The following MYO18A variants were observed in gnomAD, a reference collection of about 807,000 sequenced individuals.
MYO18A encodes myosin XVIIIA, also known as unconventional myosin-XVIIIa.
MYO18A carries 78 observed loss-of-function variants against 235.8 expected under a neutral mutation model. The observed-to-expected ratio is 0.33, with a 90% confidence interval of 0.28 to 0.40. The LOEUF (loss-of-function observed/expected upper bound fraction) is 0.40, where lower values mean the gene tolerates loss of function less well. Among genes scored for constraint, MYO18A ranks in the 10% least tolerant of loss-of-function variants. The pLI, the probability that MYO18A is intolerant of heterozygous loss-of-function variation, is 1.00. For missense variants in MYO18A, 2,215 were observed against 2,699.3 expected (o/e 0.82, Z 3.98); for synonymous variants, 977 against 1,077.8 (o/e 0.91, Z 1.83).
At position 29,118,401 on chromosome 17, in the gene MYO18A, C is replaced by A. The variant is rs370352285; in HGVS notation, c.1869G>T (p.Val623=). The change falls in exon 9 of 42, where the codon GTG becomes GTT. Residue 623 remains valine, a synonymous_variant. Transcript: ENST00000527372. The surrounding 1 kb of genome is among the most constrained non-coding windows in gnomAD (Gnocchi z 4.2). The part of the protein sequence containing the change: ...LHLNHLAENN[V]FGIVPLAKPE... The stretch of plus-strand genomic sequence containing the variant: ...CCTTGGCCAGTGGCACAATCCCAAA[C>A]ACATTGTTCTCTGCCAAGTGGTTGA... The A allele has an allele frequency of 3.0e-5, 49 of 1,607,294 alleles. No homozygotes were observed. The African/African-American group carries it at 4.5e-4, about 15-fold the overall frequency.
Position 29,094,800 on chromosome 17 carries a change from C to T in MYO18A, c.4560G>A (p.Glu1520=). ...AGFTQKVVSL[E]AELQDISSQE... is the part of the protein sequence containing the mutation. ...GGGAAGAAATGTCCTGGAGCTCTGCCTCTAGAGACACAACCTTCTGGGTGA... is the reference window on the plus strand; with the variant it reads ...GGGAAGAAATGTCCTGGAGCTCTGCTTCTAGAGACACAACCTTCTGGGTGA... Residue 1520 remains glutamate, a synonymous_variant, in exon 30 of 42, where the codon GAG becomes GAA. Transcript: ENST00000527372. 1.9e-6 allele frequency: 3 copies of T among 1,614,040 alleles called. No individual in the cohort carries two copies. Among genetic ancestry groups the T allele is most frequent in the Non-Finnish European group, 2.5e-6 (3 of 1,179,906 alleles).
Position 29,118,561 on chromosome 17 carries a change from A to C in MYO18A, c.1830-121T>G. On this transcript the variant is annotated intron_variant, in intron 8 of 41. Transcript: ENST00000527372. This position sits in a 1 kb window ranked among gnomAD's most constrained non-coding sequence, Gnocchi z 4.2. ...CCAAGTTTTGTCTGCCCATCATCCC[A>C]TCATCCCCAACTGGCGGGCCAGCTG... is the stretch of plus-strand genomic sequence containing the variant. 1.2e-6 allele frequency: 1 copy of C among 855,696 alleles called. No homozygotes were observed. 53.0% of individuals were successfully genotyped at this position (855,696 alleles called of 1,614,324 possible).
intron 2 of MYO18A, chr17:29,133,698 T>C: frequency 1.1e-6 from 1 of 884,252 alleles, no homozygotes; most frequent in African/African-American, 1.7e-5. Flanking sequence ...AATCCATCTC[T>C]AGCTTCCAAA....
chr17:29,162,383 A>G (rs1008159853), intron 2 of MYO18A, among the ~76,000 whole-genome samples: 1 of 151,864 alleles, frequency 6.6e-6, no homozygotes, highest in Non-Finnish European at 1.5e-5. Flanking sequence ...TTCCCTTCCC[A>G]CACACCGTCT....
chr17:29,169,506 G>C (rs1343489126), intron 1 of MYO18A, among the ~76,000 whole-genome samples: 2 of 152,038 alleles, frequency 1.3e-5, no homozygotes, highest in African/African-American at 2.4e-5. Context: ...TCTCTCTTCG[G>C]GGCTCTACTG....
rs55776954 is a variant in MYO18A at position 29,118,558 on chromosome 17, C to T, written c.1830-118G>A. On this transcript the variant is annotated intron_variant, in intron 8 of 41. Coordinates refer to ENST00000527372, the MANE Select transcript of MYO18A (RefSeq NM_078471.4). This position sits in a 1 kb window ranked among gnomAD's most constrained non-coding sequence, Gnocchi z 4.2. ...ACTCCAAGTTTTGTCTGCCCATCAT[C>T]CCATCATCCCCAACTGGCGGGCCAG... is the stretch of plus-strand genomic sequence containing the variant. 51,011 of 862,868 alleles carry T rather than the reference C, an allele frequency of 0.059. 1,926 individuals carry two copies. Among genetic ancestry groups the T allele is most frequent in the Non-Finnish European group, 0.074 (40,205 of 545,496 alleles). The allele number at this position is 862,868 out of a possible 1,614,324, so 53.5% of individuals were successfully genotyped here. A position where few individuals can be genotyped will look rare whatever the true frequency, so the allele number is the denominator to read the frequency against.
chr17:29,107,915 CAAA>C (rs34077783), intron 19 of MYO18A, among the ~76,000 whole-genome samples: 25 of 76,418 alleles, frequency 3.3e-4, no homozygotes, highest in African/African-American at 5.8e-4. Context: ...GACTGTGTCT[CAAA>C]AAAAAAAAAA....
intron 20 of MYO18A, among the ~76,000 whole-genome samples, chr17:29,104,489 G>A (rs2066733349): frequency 6.6e-6 from 1 of 152,188 alleles, no homozygotes. Flanking sequence ...GGGAGAATGA[G>A]TTTGGTTTGA....
chr17:29,161,872 A>G (rs952087288), intron 2 of MYO18A, among the ~76,000 whole-genome samples: 2 of 152,164 alleles, frequency 1.3e-5, no homozygotes, highest in African/African-American at 4.8e-5. Context: ...CTTTACCAAC[A>G]TCTCCCCTAA....
intron 14 of MYO18A, among the ~76,000 whole-genome samples, chr17:29,114,566 C>A (rs563055154): frequency 6.6e-6 from 1 of 152,308 alleles, no homozygotes; most frequent in African/African-American, 2.4e-5. Flanking sequence ...CCTCACAGAT[C>A]AGGGAAGGGA....
At chr17:29,089,081 C>A in intron 37 of MYO18A, among the ~76,000 whole-genome samples, 1 of 147,856 alleles carries the variant, frequency 6.8e-6, no homozygotes. Context: ...AGAGAATGAA[C>A]CTTATAATAA....
At position 29,073,995 on chromosome 17, in the gene MYO18A, G is replaced by A. The variant is rs1464381424; in HGVS notation, c.*775C>T. 2.5e-6 allele frequency: 4 copies of A among 1,613,988 alleles called. No individual in the cohort carries two copies. Among genetic ancestry groups the A allele is most frequent in the Non-Finnish European group, 3.4e-6 (4 of 1,180,016 alleles). On this transcript the variant is annotated 3_prime_UTR_variant, in exon 42 of 42. Coordinates refer to ENST00000527372, the MANE Select transcript of MYO18A (RefSeq NM_078471.4). ...AATAGGTCATTGCACATAACACGCT[G>A]AGACAAAGAGGGTGGGGTGGGGGCT...
chr17:29,101,694 C>A (rs758253921), intron 21 of MYO18A, among the ~76,000 whole-genome samples: 18 of 152,180 alleles, frequency 1.2e-4, no homozygotes, highest in African/African-American at 4.1e-4. Flanking sequence ...ACAGCAAACA[C>A]GCTTGGTTAG....
chr17:29,086,698 G>GC (rs1684903638), intron 38 of MYO18A, 121 bp from the exon 39 acceptor site: 1 of 1,354,622 alleles, frequency 7.4e-7, no homozygotes, highest in Non-Finnish European at 9.9e-7. Context: ...GACACAGGCT[G>GC]CCAGAGCCTT....
chr17:29,084,855 C>T (rs2066213116), intron 40 of MYO18A, among the ~76,000 whole-genome samples: 1 of 152,142 alleles, frequency 6.6e-6, no homozygotes, highest in African/African-American at 2.4e-5. Flanking sequence ...AGGATCAGCC[C>T]GCTCTGCCTG....
chr17:29,165,884 C>T, intron 2 of MYO18A, 58 bp downstream of exon 2: 1 of 1,505,546 alleles, frequency 6.6e-7, no homozygotes, highest in South Asian at 1.2e-5. Context: ...CCCAGTCAAG[C>T]AGGAGGTGCC....
At chr17:29,152,921 C>T (rs1207065796) in intron 2 of MYO18A, among the ~76,000 whole-genome samples, 1 of 152,032 alleles carries the variant, frequency 6.6e-6, no homozygotes, top group East Asian at 1.9e-4. Flanking sequence ...CACTATCTTT[C>T]GCAGGCTGGT....
At chr17:29,099,049 C>G in intron 22 of MYO18A, 80 bp from the exon 23 acceptor site, 1 of 1,560,754 alleles carries the variant, frequency 6.4e-7, no homozygotes, top group Non-Finnish European at 8.7e-7. Context: ...TCCCCACCAC[C>G]AGCACAGGCC....
At chr17:29,169,424 G>T (rs567495004) in intron 1 of MYO18A, among the ~76,000 whole-genome samples, 8 of 152,220 alleles carry the variant, frequency 5.3e-5, no homozygotes, top group African/African-American at 1.9e-4. Flanking sequence ...GGCCCAAAAG[G>T]CACACAGCCA....
Sources: allele counts gnomAD v4.1 joint callset (sites outside exome capture counted in the v4.1 genomes callset), GRCh38; gene constraint gnomAD v4.1.1; non-coding constraint Gnocchi (gnomAD v3.1); transcripts MANE v1.5; gene names NCBI Gene and HGNC (gene_info 2026-07-23, HGNC 2026-07-21).